The following EMC1 variants were observed in gnomAD, a reference collection of about 807,000 sequenced individuals.
The protein encoded by EMC1 is KIAA0090.
In EMC1, 103 loss-of-function variants were observed where a neutral mutation model predicts 128.8. The observed-to-expected ratio is 0.80, with a 90% CI of 0.68 to 0.94. The LOEUF is 0.94. Ranked by LOEUF, EMC1 falls within the 40% of genes least tolerant of loss-of-function variation. The probability of loss-of-function intolerance (pLI) is 0.00; values close to 1 mark genes in which losing one functional copy is unlikely to be tolerated. For synonymous variants in EMC1, 442 were observed against 490.4 expected, an observed-to-expected ratio of 0.90 and a Z score of 1.30; for missense variants, 1,083 against 1,250.6, an observed-to-expected ratio of 0.87 and a Z score of 2.02.
chr1:19,222,170 GGCCAGGCA>G (rs1215544948), intron 20 of EMC1, among the ~76,000 whole-genome samples: 1 of 150,882 alleles, frequency 6.6e-6, no homozygotes. Context: ...GAGGACTGAA[GGCCAGGCA>G]GCCAGGCACG....
chr1:19,242,633 A>G (rs1489069942), intron 4 of EMC1, among the ~76,000 whole-genome samples, 160 bp from the exon 5 acceptor site: 2 of 152,208 alleles, frequency 1.3e-5, no homozygotes, highest in Non-Finnish European at 2.9e-5. Context: ...TTGTTAGTCA[A>G]CTTGAGATTC....
Position 19,223,561 on chromosome 1 carries a change from G to A in EMC1, c.2211C>T (p.Asn737=), listed in dbSNP as rs531455396. The A allele has an allele frequency of 1.2e-6, 2 of 1,613,900 alleles. No homozygotes were observed. Among genetic ancestry groups the A allele is most frequent in the African/African-American group, 1.3e-5 (1 of 75,036 alleles). ...GDRSVLYKSL[N]PNLLAVVTES... ...CTGTCACCACGGCCAGCAGGTTGGG[G>A]TTCAGGCTCTGGAGAGAGAGAGAAA... The change falls in exon 19 of 23, where the codon AAC becomes AAT. Residue 737 remains asparagine (N), a synonymous_variant. Coordinates refer to ENST00000477853, the MANE Select transcript of EMC1 (RefSeq NM_015047.3).
At position 19,246,622 on chromosome 1, in the gene EMC1, A is replaced by G. The variant is rs189238148; in HGVS notation, c.96-1592T>C. Among the ~76,000 whole-genome samples the G allele has an allele frequency of 3.6e-4, 54 of 151,852 alleles. No homozygotes were observed. The East Asian group carries it at 9.3e-3, about 26-fold the overall frequency. On this transcript the variant is annotated intron_variant, in intron 1 of 22. Transcript: ENST00000477853. ...ACATGGTAAAACTCCATCTCTTATAAAAGTACAAAAATTAGCTGGGCGTGA... is the reference window on the plus strand; with the variant it reads ...ACATGGTAAAACTCCATCTCTTATAGAAGTACAAAAATTAGCTGGGCGTGA...
intron 12 of EMC1, among the ~76,000 whole-genome samples, chr1:19,236,109 CT>C (rs2093561503): frequency 6.6e-6 from 1 of 152,070 alleles, no homozygotes; most frequent in Non-Finnish European, 1.5e-5. Context: ...GGCATAGTGG[CT>C]CATGCCTGTA....
rs756154938 is a variant in EMC1, at chr1:19,222,809, C to T, written c.2402G>A (p.Arg801Gln). ...CTCCAGTACGGTAAACTCGTTGCGC[C>T]GAGCCTTGGTGTTCCAGTACTGGTA... Reference protein sequence around the residue: ...VVYQYWNTKARRNEFTVLELY... With the variant: ...VVYQYWNTKAQRNEFTVLELY... Residue 801 changes from arginine (R) to glutamine (Q), a missense_variant, in exon 20 of 23, where the codon CGG (arginine) becomes CAG (glutamine). Arg to Gln is a conservative substitution (Grantham distance 43). This residue lies in a region of EMC1 where 527 missense variants were observed against 644.1 expected (regional missense o/e 0.82). Transcript: ENST00000477853. 7 of 1,612,298 alleles carry T rather than the reference C, an allele frequency of 4.3e-6. No individual in the cohort carries two copies. Among genetic ancestry groups the T allele is most frequent in the South Asian group, 2.2e-5 (2 of 90,916 alleles).
At position 19,219,268 on chromosome 1, in the gene EMC1, C is replaced by T. The variant is rs1389849617; in HGVS notation, c.*35G>A. 6.2e-7 allele frequency: 1 copy of T among 1,611,356 alleles called. No individual in the cohort carries two copies. ...TAGCTGCTTATCTGACCCACACTCC[C>T]CTGGCTCTCCACTTTTAGGCACAGT... On this transcript the variant is annotated 3_prime_UTR_variant, in exon 23 of 23. Coordinates refer to ENST00000477853, the MANE Select transcript of EMC1 (RefSeq NM_015047.3).
intron 1 of EMC1, among the ~76,000 whole-genome samples, chr1:19,251,203 C>T (rs1011140491): frequency 6.6e-6 from 1 of 152,218 alleles, no homozygotes; most frequent in African/African-American, 2.4e-5. Context: ...CAAGGATCAG[C>T]TTAGAATGAC....
intron 5 of EMC1, 138 bp from the exon 6 acceptor site, chr1:19,241,280 G>C (rs899010388): frequency 3.2e-6 from 3 of 925,594 alleles, no homozygotes; most frequent in Non-Finnish European, 3.2e-6. Flanking sequence ...CAGTTTGGGG[G>C]CTTTTGTTGT....
At chr1:19,226,753 G>A (rs1468517735) in intron 18 of EMC1, among the ~76,000 whole-genome samples, 1 of 150,404 alleles carries the variant, frequency 6.6e-6, no homozygotes, top group Non-Finnish European at 1.5e-5. Flanking sequence ...TTTTGGGGGT[G>A]GTAAAGACAA....
chr1:19,245,919 G>A (rs1213730022), intron 1 of EMC1, among the ~76,000 whole-genome samples: 3 of 151,852 alleles, frequency 2.0e-5, no homozygotes, highest in South Asian at 2.1e-4. Context: ...GAGTCACCAC[G>A]CCCGACTGAG....
At chr1:19,245,340 C>G (rs2093626922) in intron 1 of EMC1, among the ~76,000 whole-genome samples, 1 of 152,052 alleles carries the variant, frequency 6.6e-6, no homozygotes, top group Non-Finnish European at 1.5e-5. Flanking sequence ...ACTCGGGAGG[C>G]TGAGGCAGGA....
chr1:19,241,457 A>C (rs1032733830), intron 5 of EMC1, among the ~76,000 whole-genome samples: 1 of 152,196 alleles, frequency 6.6e-6, no homozygotes, highest in African/African-American at 2.4e-5. Context: ...GGAGCACTGC[A>C]GCTCCCATCC....
At chr1:19,240,797 A>C (rs1215302589) in intron 6 of EMC1, 3 of 595,686 alleles carry the variant, frequency 5.0e-6, no homozygotes, top group Non-Finnish European at 8.9e-6. Flanking sequence ...CAGAGACTAG[A>C]TCTATGTAAT....
chr1:19,228,412 G>C (rs1206972293), intron 17 of EMC1, among the ~76,000 whole-genome samples: 1 of 152,086 alleles, frequency 6.6e-6, no homozygotes, highest in Non-Finnish European at 1.5e-5. Flanking sequence ...TATGGTCATA[G>C]GAAACCAACC....
Position 19,237,181 on chromosome 1 carries a change from G to A in EMC1, c.1270C>T (p.Gln424Ter). 2 of 1,613,940 alleles carry A rather than the reference G, an allele frequency of 1.2e-6. No homozygotes were observed. The highest frequency in any genetic ancestry group is 1.7e-6 in the Non-Finnish European group (2 of 1,179,950). Residue 424 changes from glutamine to a stop codon, truncating the protein, a stop_gained, in exon 12 of 23, where the codon CAG becomes TAG. Coordinates refer to ENST00000477853, the MANE Select transcript of EMC1 (RefSeq NM_015047.3). LOFTEE classifies it high-confidence loss of function. Reference sequence around the variant, plus strand: ...AAAAGTAGCAGATGATCCTCTGTCTGCACCAAAGCCCGGTAGCCCACTGAG... The same window carrying A: ...AAAAGTAGCAGATGATCCTCTGTCTACACCAAAGCCCGGTAGCCCACTGAG... Reference protein sequence around the residue: ...DDSVGYRALVQTEDHLLLFLQ... With the variant: ...DDSVGYRALV
chr1:19,242,367 A>G lies in EMC1; in HGVS notation c.487T>C (p.Trp163Arg). ...LHHLSSGHLKWVEHLPESDSI... is the reference protein window; with the variant it reads ...LHHLSSGHLKRVEHLPESDSI... The stretch of plus-strand genomic sequence containing the variant: ...TACCTTTCTGGGAGATGTTCCACCC[A>G]CTTGAGGTGCCCACTGGAGAGGTGA... Residue 163 changes from tryptophan (W) to arginine (R), a missense_variant, in exon 5 of 23, where the codon TGG (tryptophan) becomes CGG (arginine). Physicochemically the swap from Trp to Arg is moderately radical, Grantham distance 101. Transcript: ENST00000477853. 6.2e-7 allele frequency: 1 copy of G among 1,614,104 alleles called. No individual in the cohort carries two copies. The highest frequency in any genetic ancestry group is 8.5e-7 in the Non-Finnish European group (1 of 1,180,004).
intron 4 of EMC1, among the ~76,000 whole-genome samples, chr1:19,243,338 C>G (rs983292698): frequency 6.6e-6 from 1 of 152,190 alleles, no homozygotes; most frequent in Non-Finnish European, 1.5e-5. Context: ...ATATTATGTT[C>G]TTATATCTGG....
intron 1 of EMC1, among the ~76,000 whole-genome samples, chr1:19,249,504 T>A (rs2093647416): frequency 6.6e-6 from 1 of 152,222 alleles, no homozygotes. Context: ...AGCCTAGGTG[T>A]GTAGTAGGCT....
Position 19,216,274 on chromosome 1 carries a change from T to C in EMC1, c.*3029A>G, listed in dbSNP as rs971242222. Reference sequence around the variant, plus strand: ...TATAAAGGCAGTGAAATTACAATTATGAAATTTTCAAATTGAAAGATGCCT... The same window carrying C: ...TATAAAGGCAGTGAAATTACAATTACGAAATTTTCAAATTGAAAGATGCCT... On this transcript the variant is annotated 3_prime_UTR_variant, in exon 23 of 23. Coordinates refer to ENST00000477853, the MANE Select transcript of EMC1 (RefSeq NM_015047.3). The C allele has an allele frequency of 9.3e-5, 14 of 149,966 alleles. No homozygotes were observed. The highest frequency in any genetic ancestry group is 3.2e-4 in the African/African-American group (13 of 40,852). 9.3% of individuals were successfully genotyped at this position (149,966 alleles called of 1,614,324 possible). A position where few individuals can be genotyped will look rare whatever the true frequency, so the allele number is the denominator to read the frequency against.
Sources: gnomAD v4.1 joint callset for allele counts (sites outside exome capture counted in the v4.1 genomes callset) on GRCh38, gnomAD v4.1.1 for gene constraint, gnomAD v4.1.1 regional missense constraint, MANE v1.5 for transcripts, NCBI Gene and HGNC (gene_info 2026-07-23, HGNC 2026-07-21) for gene names.